PPM1H: variants seen among roughly 807,000 people sequenced by gnomAD.
PPM1H encodes protein phosphatase 1H.
In PPM1H, 27 loss-of-function variants were observed where a neutral mutation model predicts 54.9. The observed-to-expected ratio is 0.49, with a 90% CI of 0.36 to 0.68. The LOEUF is 0.68. PPM1H is among the 30% of genes least tolerant of loss of function. The pLI, the probability that PPM1H is intolerant of heterozygous loss-of-function variation, is 0.00. For missense variants in PPM1H, 596 were observed against 667.8 expected (o/e 0.89, Z 1.19); for synonymous variants, 305 against 270.8 (o/e 1.13, Z -1.24).
intron 3 of PPM1H, among the ~76,000 whole-genome samples, chr12:62,796,112 A>G (rs533241904): frequency 6.6e-6 from 1 of 152,336 alleles, no homozygotes; most frequent in South Asian, 2.1e-4. Context: ...CTAGTGACTG[A>G]GAAGAGCAGT....
chr12:62,882,526 C>T (rs60770244), intron 1 of PPM1H, among the ~76,000 whole-genome samples: 3,268 of 152,344 alleles, frequency 0.021, 81 homozygotes, highest in African/African-American at 0.06. Flanking sequence ...TTGGATCAGA[C>T]GCAGCCCAAG....
At chr12:62,841,732 C>A (rs1868758053) in intron 1 of PPM1H, among the ~76,000 whole-genome samples, 1 of 152,178 alleles carries the variant, frequency 6.6e-6, no homozygotes, top group African/African-American at 2.4e-5. Flanking sequence ...TGTGGATACA[C>A]TTTGCTTTAC....
At chr12:62,655,171 A>T (rs1406887396) in intron 9 of PPM1H, among the ~76,000 whole-genome samples, 1 of 152,168 alleles carries the variant, frequency 6.6e-6, no homozygotes, top group African/African-American at 2.4e-5. Context: ...AGCTTTCCTC[A>T]TAGATTCATT....
intron 4 of PPM1H, among the ~76,000 whole-genome samples, chr12:62,763,992 A>C (rs2076526670): frequency 6.6e-6 from 1 of 152,220 alleles, no homozygotes; most frequent in Non-Finnish European, 1.5e-5. Context: ...GGTGCTTCTC[A>C]GTCCTGGATT....
At chr12:62,912,104 T>C (rs574423183) in intron 1 of PPM1H, among the ~76,000 whole-genome samples, 1 of 152,330 alleles carries the variant, frequency 6.6e-6, no homozygotes, top group East Asian at 1.9e-4. Context: ...ACAATACTCT[T>C]GAGCCTACAA....
chr12:62,649,199 G>GT (rs2075802651), intron 9 of PPM1H, among the ~76,000 whole-genome samples: 1 of 100,776 alleles, frequency 9.9e-6, no homozygotes, highest in African/African-American at 3.8e-5. Flanking sequence ...GAAGTTTTTT[G>GT]GTTTTTTTTT....
At chr12:62,674,711 A>G (rs1381525116) in intron 8 of PPM1H, among the ~76,000 whole-genome samples, 1 of 152,238 alleles carries the variant, frequency 6.6e-6, no homozygotes, top group African/African-American at 2.4e-5. Context: ...CCAAAGGTAA[A>G]TGGGATACTG....
chr12:62,740,254 T>C (rs1242716879), intron 4 of PPM1H, among the ~76,000 whole-genome samples: 2 of 152,190 alleles, frequency 1.3e-5, no homozygotes, highest in East Asian at 3.9e-4. Flanking sequence ...TGCCTCCCTC[T>C]ACACCCAGCT....
chr12:62,858,869 T>C (rs966515513), intron 1 of PPM1H, among the ~76,000 whole-genome samples: 1 of 152,220 alleles, frequency 6.6e-6, no homozygotes, highest in African/African-American at 2.4e-5. Context: ...ATGAGGAAGA[T>C]GAACAGTCAT....
At chr12:62,881,791 C>T (rs1870405303) in intron 1 of PPM1H, among the ~76,000 whole-genome samples, 1 of 152,192 alleles carries the variant, frequency 6.6e-6, no homozygotes, top group African/African-American at 2.4e-5. Context: ...AGGGTCAATG[C>T]CTTAGTTCCA....
chr12:62,853,893 G>A (rs1204064057), intron 1 of PPM1H, among the ~76,000 whole-genome samples: 1 of 152,126 alleles, frequency 6.6e-6, no homozygotes, highest in Non-Finnish European at 1.5e-5. Context: ...AAGCCCTATT[G>A]GGAAGAGAGG....
chr12:62,844,453 A>G lies in PPM1H; in HGVS notation c.246-12174T>C, dbSNP rs556541015. Among the ~76,000 whole-genome samples the G allele has an allele frequency of 4.6e-5, 7 of 152,332 alleles. No homozygotes were observed. The highest frequency in any genetic ancestry group is 8.8e-5 in the Non-Finnish European group (6 of 68,028). ...AGCAGAAATAGCAACTGCATGCTAC[A>G]TGATTCAGGCTACGTAGCCACATTC... On this transcript the variant is annotated intron_variant, in intron 1 of 9. Coordinates refer to ENST00000228705, the MANE Select transcript of PPM1H (RefSeq NM_020700.2). The surrounding 1 kb of genome is among the most constrained non-coding windows in gnomAD (Gnocchi z 5.2).
At chr12:62,732,339 T>C in intron 5 of PPM1H, among the ~76,000 whole-genome samples, 1 of 152,206 alleles carries the variant, frequency 6.6e-6, no homozygotes. Context: ...GCCACATCCA[T>C]CATCTTGTAA....
At chr12:62,892,380 G>A (rs1281161222) in intron 1 of PPM1H, among the ~76,000 whole-genome samples, 1 of 152,078 alleles carries the variant, frequency 6.6e-6, no homozygotes, top group African/African-American at 2.4e-5. Flanking sequence ...TGCATAATTT[G>A]TCACCTAGGA....
intron 9 of PPM1H, among the ~76,000 whole-genome samples, chr12:62,658,410 C>CA (rs757846171): frequency 6.6e-6 from 1 of 152,010 alleles, no homozygotes. Flanking sequence ...TCCTTTCTGA[C>CA]AAAATGGTAA....
chr12:62,826,432 G>T (rs1165026077), intron 2 of PPM1H, among the ~76,000 whole-genome samples: 1 of 152,174 alleles, frequency 6.6e-6, no homozygotes, highest in Admixed American at 6.5e-5. Flanking sequence ...CTGGGCGACA[G>T]AGTGAGACTT....
chr12:62,753,091 A>G (rs1421553310), intron 4 of PPM1H, among the ~76,000 whole-genome samples: 1 of 152,230 alleles, frequency 6.6e-6, no homozygotes, highest in Non-Finnish European at 1.5e-5. Flanking sequence ...GTTAAATTAT[A>G]AAATTGAAAC....
At chr12:62,679,710 C>T (rs371909189) in intron 8 of PPM1H, among the ~76,000 whole-genome samples, 2 of 152,122 alleles carry the variant, frequency 1.3e-5, no homozygotes, top group African/African-American at 4.8e-5. Context: ...GATTGCAACC[C>T]GGCTCCTCCT....
At chr12:62,762,697 C>T (rs2120616556) in intron 4 of PPM1H, among the ~76,000 whole-genome samples, 1 of 152,216 alleles carries the variant, frequency 6.6e-6, no homozygotes, top group East Asian at 1.9e-4. Context: ...GTGTAAGTTC[C>T]CCATAATAAA....
Sources: allele counts gnomAD v4.1 joint callset (sites outside exome capture counted in the v4.1 genomes callset), GRCh38; gene constraint gnomAD v4.1.1; non-coding constraint Gnocchi (gnomAD v3.1); transcripts MANE v1.5; gene names NCBI Gene and HGNC (gene_info 2026-07-23, HGNC 2026-07-21).